Variants in FGF12 observed in about 807,000 individuals in gnomAD.
FGF12 encodes fibroblast growth factor 12.
Under a neutral mutation model 23.6 loss-of-function variants are expected in FGF12, and 14 were observed. That is an observed-to-expected ratio of 0.59 (90% CI 0.39 to 0.93). The LOEUF (loss-of-function observed/expected upper bound fraction) is 0.93. FGF12 is among the 40% of genes least tolerant of loss of function. The pLI, the probability that FGF12 is intolerant of heterozygous loss-of-function variation, is 0.00. For missense variants in FGF12, 175 were observed against 217.8 expected, an observed-to-expected ratio of 0.80 and a Z score of 1.24; for synonymous variants, 62 against 77.3, an observed-to-expected ratio of 0.80 and a Z score of 1.04.
chr3:192,203,758 G>A (rs764390459), intron 4 of FGF12, among the ~76,000 whole-genome samples: 19 of 151,618 alleles, frequency 1.3e-4, no homozygotes, highest in African/African-American at 1.9e-4. Context: ...TAGCTGTCAC[G>A]CCCACCTAAT....
intron 2 of FGF12, among the ~76,000 whole-genome samples, chr3:192,587,828 T>C (rs1713435230): frequency 6.6e-6 from 1 of 151,846 alleles, no homozygotes; most frequent in African/African-American, 2.4e-5. Flanking sequence ...TCTCATCATA[T>C]ATACGTAATC....
intron 2 of FGF12, among the ~76,000 whole-genome samples, chr3:192,485,928 T>C (rs1389202119): frequency 6.6e-6 from 1 of 152,210 alleles, no homozygotes; most frequent in Non-Finnish European, 1.5e-5. Flanking sequence ...TTATCTAGTT[T>C]CATCATTTTG....
chr3:192,567,619 C>G (rs1411451666), intron 2 of FGF12, among the ~76,000 whole-genome samples: 2 of 152,234 alleles, frequency 1.3e-5, no homozygotes, highest in South Asian at 2.1e-4. Flanking sequence ...CTTCCAAAAG[C>G]TCTAGGTGAG....
At chr3:192,677,040 C>T (rs760092266) in intron 2 of FGF12, among the ~76,000 whole-genome samples, 9 of 152,204 alleles carry the variant, frequency 5.9e-5, no homozygotes, top group Non-Finnish European at 1.3e-4. Context: ...GTAAGTCACT[C>T]ATCTGCCATA....
In FGF12 at chr3:192,360,491, A is replaced by G; in HGVS notation, c.61T>C (p.Tyr21His). The part of the protein sequence containing the change: ...IVTRLFSQQG[Y>H]FLQMHPDGTI... ...CCATCTGGGTGCATCTGCAGGAAGTATCCCTGCTGGCTGAATAACCTTGTC... is the reference window on the plus strand; with the variant it reads ...CCATCTGGGTGCATCTGCAGGAAGTGTCCCTGCTGGCTGAATAACCTTGTC... Residue 21 changes from tyrosine (Y) to histidine (H), a missense_variant, in exon 3 of 6, where the codon TAC (tyrosine) becomes CAC (histidine). Transcript: ENST00000445105. The surrounding 1 kb of genome is among the most constrained non-coding windows in gnomAD (Gnocchi z 4.3). 6.2e-7 allele frequency: 1 copy of G among 1,613,958 alleles called. No individual in the cohort carries two copies. The highest frequency in any genetic ancestry group is 8.5e-7 in the Non-Finnish European group (1 of 1,179,872).
intron 2 of FGF12, among the ~76,000 whole-genome samples, chr3:192,659,038 A>G (rs1303992090): frequency 1.3e-5 from 2 of 152,184 alleles, no homozygotes; most frequent in Non-Finnish European, 2.9e-5. Context: ...ATGGGACAGG[A>G]CAAATCAGGC....
intron 2 of FGF12, among the ~76,000 whole-genome samples, chr3:192,391,599 G>T (rs1226158116): frequency 1.3e-5 from 2 of 152,140 alleles, no homozygotes; most frequent in African/African-American, 4.8e-5. Flanking sequence ...TATTATATTT[G>T]ATTCCAAGCA....
chr3:192,356,942 T>C (rs557194821), intron 3 of FGF12, among the ~76,000 whole-genome samples: 22 of 152,356 alleles, frequency 1.4e-4, no homozygotes, highest in Admixed American at 1.4e-3. Flanking sequence ...TTTGTTTTTA[T>C]TTGATATTCT....
At chr3:192,170,411 C>G in intron 5 of FGF12, 47 bp downstream of exon 5, 1 of 1,527,142 alleles carries the variant, frequency 6.5e-7, no homozygotes, top group Non-Finnish European at 9.0e-7. Context: ...GAATTGATGT[C>G]AACACACAGA....
intron 2 of FGF12, among the ~76,000 whole-genome samples, chr3:192,392,598 GA>G (rs1720350004): frequency 2.6e-5 from 1 of 38,988 alleles, no homozygotes; most frequent in Non-Finnish European, 4.2e-5. Flanking sequence ...CTCCGAGAGA[GA>G]GAGAGAGAGA....
At chr3:192,238,988 T>C (rs1719454729) in intron 4 of FGF12, among the ~76,000 whole-genome samples, 1 of 152,198 alleles carries the variant, frequency 6.6e-6, no homozygotes, top group Non-Finnish European at 1.5e-5. Context: ...ACCAGCATCC[T>C]AATAAAAGCA....
chr3:192,431,397 T>C (rs1721853780), intron 2 of FGF12, among the ~76,000 whole-genome samples: 2 of 152,204 alleles, frequency 1.3e-5, no homozygotes, highest in Non-Finnish European at 2.9e-5. Context: ...TCCCTGATGG[T>C]AAAGCTGTAT....
At chr3:192,561,524 A>G (rs58306923) in intron 2 of FGF12, among the ~76,000 whole-genome samples, 1,875 of 152,146 alleles carry the variant, frequency 0.012, 37 homozygotes, top group African/African-American at 0.042. Context: ...CACCACGCCC[A>G]GCTAATTTTT....
chr3:192,437,082 A>G (rs547583195), intron 2 of FGF12, among the ~76,000 whole-genome samples: 2 of 152,274 alleles, frequency 1.3e-5, no homozygotes, highest in South Asian at 4.2e-4. Context: ...ATTCCTTAAA[A>G]GGTCTTGCAG....
intron 2 of FGF12, among the ~76,000 whole-genome samples, chr3:192,438,527 T>A (rs1018251731): frequency 2.6e-5 from 4 of 152,186 alleles, no homozygotes; most frequent in Non-Finnish European, 4.4e-5. Flanking sequence ...AACTAAGGAT[T>A]CCTGCTCTTC....
At chr3:192,719,737 G>A (rs1191128515) in intron 2 of FGF12, among the ~76,000 whole-genome samples, 2 of 146,104 alleles carry the variant, frequency 1.4e-5, no homozygotes, top group Non-Finnish European at 3.0e-5. Flanking sequence ...AGTCTTGTTT[G>A]TAGAGTATCT....
intron 5 of FGF12, among the ~76,000 whole-genome samples, chr3:192,148,883 GC>G (rs1713879247): frequency 6.6e-6 from 1 of 152,176 alleles, no homozygotes; most frequent in African/African-American, 2.4e-5. Context: ...CATCCATTTA[GC>G]CATATGTGGC....
chr3:192,597,554 T>C (rs188718414), intron 2 of FGF12, among the ~76,000 whole-genome samples: 79 of 152,304 alleles, frequency 5.2e-4, no homozygotes, highest in African/African-American at 1.8e-3. Context: ...GCATTCACCC[T>C]AGTGCAGAAA....
intron 4 of FGF12, among the ~76,000 whole-genome samples, chr3:192,331,311 C>CAAAAAAAAAAAAAAA (rs201997868): frequency 1.0e-5 from 1 of 95,982 alleles, no homozygotes; most frequent in Non-Finnish European, 2.3e-5. Context: ...GGAGTTTTCT[C>CAAAAAAAAAAAAAAA]AAAAAAAAAA....
Sources: allele counts gnomAD v4.1 joint callset (sites outside exome capture counted in the v4.1 genomes callset), GRCh38; gene constraint gnomAD v4.1.1; non-coding constraint Gnocchi (gnomAD v3.1); transcripts MANE v1.5; gene names NCBI Gene and HGNC (gene_info 2026-07-23, HGNC 2026-07-21).